Variants in CCDC9 observed in about 807,000 individuals in gnomAD.
CCDC9 encodes coiled-coil domain containing 9.
In CCDC9, 52 loss-of-function variants were observed where a neutral mutation model predicts 65.6. The ratio of observed to expected loss-of-function variants is 0.79; its 90% CI spans 0.63 to 1.00. The LOEUF is 1.00. CCDC9 is among the 50% of genes least tolerant of loss of function. CCDC9 has a pLI of 0.00. For missense variants in CCDC9, 834 were observed against 757.2 expected, an observed-to-expected ratio of 1.10 and a Z score of -1.19; for synonymous variants, 332 against 280.3, an observed-to-expected ratio of 1.18 and a Z score of -1.84.
rs1417604939 is a variant in CCDC9, at chr19:47,266,504, T to C, written c.721-107T>C. On this transcript the variant is annotated intron_variant, in intron 7 of 11. Transcript: ENST00000221922. ...AGCCTAGTTGATTGTGATCTCTGCC[T>C]TGTCATCGCTTCCCTGTGTGATCCT... is the stretch of plus-strand genomic sequence containing the variant. 9.8e-6 allele frequency: 14 copies of C among 1,428,068 alleles called. No homozygotes were observed. In the African/African-American group the frequency reaches 2.0e-4, roughly 21 times the overall value. 88.5% of individuals were successfully genotyped at this position (1,428,068 alleles called of 1,614,324 possible). A position where few individuals can be genotyped will look rare whatever the true frequency, so the allele number is the denominator to read the frequency against.
At chr19:47,273,305 G>T, downstream of CCDC9, 4 of 1,105,316 alleles carry the variant, frequency 3.6e-6, no homozygotes, top group Non-Finnish European at 4.6e-6. Context: ...TGGGCCGGGG[G>T]GGAGGTGGGA....
Position 47,271,418 on chromosome 19 carries a change from C to T in CCDC9, c.1336C>T (p.Pro446Ser), listed in dbSNP as rs1442619432. 1.2e-6 allele frequency: 2 copies of T among 1,613,564 alleles called. No homozygotes were observed. The highest frequency in any genetic ancestry group is 2.2e-5 in the South Asian group (2 of 91,046). The change falls in exon 12 of 12, where the codon CCA (proline) becomes TCA (serine). Residue 446 changes from proline (P) to serine (S), a missense_variant. Coordinates refer to ENST00000221922, the MANE Select transcript of CCDC9 (RefSeq NM_015603.3). ...IEVEEGDEEEPAQDHQAPEAA... is the reference protein window; with the variant it reads ...IEVEEGDEEESAQDHQAPEAA... ...GGTGGAAGAAGGTGATGAGGAGGAA[C>T]CAGCCCAAGACCACCAAGCCCCAGA...
At chr19:47,275,384 C>G (rs987706439), downstream of CCDC9, 8 of 1,526,462 alleles carry the variant, frequency 5.2e-6, no homozygotes, top group Non-Finnish European at 7.0e-6. Context: ...CGCCAGCCCT[C>G]GAGAGCTCTG....
downstream of CCDC9, chr19:47,274,868 G>T (rs1403801689): frequency 6.3e-5 from 74 of 1,182,062 alleles, no homozygotes; most frequent in Admixed American, 8.3e-4. Context: ...GCGGGGCCTG[G>T]TGGGGGCGGG....
chr19:47,269,742 A>T (rs1201410976), intron 8 of CCDC9, among the ~76,000 whole-genome samples: 1 of 152,182 alleles, frequency 6.6e-6, no homozygotes, highest in Non-Finnish European at 1.5e-5. Flanking sequence ...TTCCAGGAGC[A>T]GGCGCTAAGG....
chr19:47,257,237 T>G (rs2059016319), intron 1 of CCDC9, among the ~76,000 whole-genome samples: 1 of 144,448 alleles, frequency 6.9e-6, no homozygotes, highest in Non-Finnish European at 1.5e-5. Context: ...AGGGGGCGTG[T>G]CCAGGAGGTT....
chr19:47,272,824 G>C (rs2059131896), downstream of CCDC9, among the ~76,000 whole-genome samples: 2 of 152,188 alleles, frequency 1.3e-5, no homozygotes, highest in Admixed American at 6.6e-5. Context: ...GACCGACGAA[G>C]TGCGAGCAAG....
At chr19:47,266,570 G>A (rs962423320) in intron 7 of CCDC9, 41 bp from the exon 8 acceptor site, 4 of 1,480,334 alleles carry the variant, frequency 2.7e-6, no homozygotes, top group Admixed American at 2.3e-5. Context: ...GCGGGGTAGG[G>A]TGCGGGACAT....
At position 47,270,411 on chromosome 19, in the gene CCDC9, A is replaced by C. The variant is rs759392795; in HGVS notation, c.907A>C (p.Lys303Gln). 5.9e-5 allele frequency: 95 copies of C among 1,613,840 alleles called. No homozygotes were observed. The highest frequency in any genetic ancestry group is 7.8e-5 in the Non-Finnish European group (92 of 1,179,978). ...WDAEKTDGMF[K>Q]DGPVPAHEPS... ...CACCCGTTATCTTTCCCCCAGGTTCAAGGATGGCCCAGTCCCTGCCCATGA... is the reference window on the plus strand; with the variant it reads ...CACCCGTTATCTTTCCCCCAGGTTCCAGGATGGCCCAGTCCCTGCCCATGA... The change falls in exon 9 of 12, where the codon AAG becomes CAG. Residue 303 changes from lysine to glutamine, a missense_variant. Coordinates refer to ENST00000221922, the MANE Select transcript of CCDC9 (RefSeq NM_015603.3).
chr19:47,273,940 T>G (rs941466341), downstream of CCDC9: 5 of 982,040 alleles, frequency 5.1e-6, no homozygotes, highest in African/African-American at 8.7e-5. Flanking sequence ...ACCCTTCTGA[T>G]CCGTCTTCCC....
chr19:47,275,677 A>C, downstream of CCDC9: 56 of 366,020 alleles, frequency 1.5e-4, no homozygotes, highest in East Asian at 2.1e-4. Context: ...ATCTGCAATA[A>C]ACGACAGCCT....
At position 47,271,724 on chromosome 19, in the gene CCDC9, TGTGTGTGTGCGCGC is replaced by T. The variant is rs1345656927; in HGVS notation, c.*48_*61del. ...GTGTGTGTGTGTGTGTGTGTGTGTG[TGTGTGTGTGCGCGC>T]GCGCGCGCGCGCGCGCGCGCGCTAG... On this transcript the variant is annotated 3_prime_UTR_variant, in exon 12 of 12. Transcript: ENST00000221922. The T allele has an allele frequency of 9.1e-4, 1,147 of 1,265,402 alleles. 3 individuals are homozygous for T. The African/African-American group carries it at 9.1e-3, about 10-fold the overall frequency. The allele number at this position is 1,265,402 out of a possible 1,614,324, so 78.4% of individuals were successfully genotyped here.
chr19:47,260,879 T>C (rs1247135724), intron 5 of CCDC9, 40 bp downstream of exon 5: 3 of 1,579,594 alleles, frequency 1.9e-6, no homozygotes, highest in South Asian at 2.3e-5. Context: ...GCTGAGGTTC[T>C]CTGTTGTCTG....
At position 47,271,732 on chromosome 19, in the gene CCDC9, T is replaced by TGTGTGTGTGTGTGTGTGTGTGTGTGC. The variant is rs2059123882; in HGVS notation, c.*55_*56insTGTGTGTGTGTGTGTGTGTGTGTGCG. 1 of 528,234 alleles carries TGTGTGTGTGTGTGTGTGTGTGTGTGC rather than the reference T, an allele frequency of 1.9e-6. No homozygotes were observed. The highest frequency in any genetic ancestry group is 2.4e-6 in the Non-Finnish European group (1 of 413,472). The allele number at this position is 528,234 out of a possible 1,614,324, so 32.7% of individuals were successfully genotyped here. ...GTGTGTGTGTGTGTGTGTGTGTGTG[T>TGTGTGTGTGTGTGTGTGTGTGTGTGC]GCGCGCGCGCGCGCGCGCGCGCGCG... is the stretch of plus-strand genomic sequence containing the variant. On this transcript the variant is annotated 3_prime_UTR_variant, in exon 12 of 12. Transcript: ENST00000221922.
intron 10 of CCDC9, 29 bp from the exon 11 acceptor site, chr19:47,271,053 G>T: frequency 6.7e-7 from 1 of 1,486,196 alleles, no homozygotes; most frequent in African/African-American, 1.4e-5. Context: ...TCTCCACCCA[G>T]GCATCACCCC....
chr19:47,262,547 T>C (rs1384259580), intron 5 of CCDC9, among the ~76,000 whole-genome samples: 4 of 152,092 alleles, frequency 2.6e-5, no homozygotes, highest in African/African-American at 9.7e-5. Flanking sequence ...TGGTGGCCCC[T>C]AGGTCCTGGT....
At chr19:47,267,247 A>C (rs2059088177) in intron 8 of CCDC9, among the ~76,000 whole-genome samples, 1 of 151,790 alleles carries the variant, frequency 6.6e-6, no homozygotes. Flanking sequence ...TACAGGCGTG[A>C]GCCACCGCGC....
Position 47,260,734 on chromosome 19 carries a change from G to A in CCDC9, c.357G>A (p.Gln119=), listed in dbSNP as rs2059039547. ...GCTGGGAGGGCAGCCCCGGGGAGCA[G>A]CCTCGAGGAGGAGGAGCTGGGGGCC... ...SRSWEGSPGE[Q]PRGGGAGGRG... Residue 119 remains glutamine, a synonymous_variant, in exon 5 of 12, where the codon CAG becomes CAA. Transcript: ENST00000221922. 6.2e-7 allele frequency: 1 copy of A among 1,600,342 alleles called. No homozygotes were observed. The highest frequency in any genetic ancestry group is 1.8e-5 in the Admixed American group (1 of 56,894).
Position 47,258,968 on chromosome 19 carries a change from C to T in CCDC9, c.108+305C>T, listed in dbSNP as rs569147564. On this transcript the variant is annotated intron_variant, in intron 3 of 11. Transcript: ENST00000221922. ...GTCTAGTCAGGGAGACAGCCCTGTC[C>T]TCAGGGATGCCCCAGAGCAGACAAG... Among the ~76,000 whole-genome samples the T allele has an allele frequency of 1.6e-3, 244 of 152,310 alleles. 1 individual carries two copies. Among genetic ancestry groups the T allele is most frequent in the African/African-American group, 5.5e-3 (228 of 41,566 alleles).
Sources: gnomAD v4.1 joint callset for allele counts (sites outside exome capture counted in the v4.1 genomes callset) on GRCh38, gnomAD v4.1.1 for gene constraint, MANE v1.5 for transcripts, NCBI Gene and HGNC (gene_info 2026-07-23, HGNC 2026-07-21) for gene names.